The following ATP13A4 variants were observed in gnomAD, a reference collection of about 807,000 sequenced individuals.
ATP13A4 encodes the protein ATPase 13A4.
In ATP13A4, 114 loss-of-function variants were observed where a neutral mutation model predicts 142.5. That is an observed-to-expected ratio of 0.80 (90% CI 0.69 to 0.93). ATP13A4 has a LOEUF of 0.93. Among genes scored for constraint, ATP13A4 ranks in the 40% least tolerant of loss-of-function variants. The probability of loss-of-function intolerance (pLI) is 0.00; values close to 1 mark genes in which losing one functional copy is unlikely to be tolerated. For synonymous variants in ATP13A4, 488 were observed against 514.8 expected, an observed-to-expected ratio of 0.95 and a Z score of 0.70; for missense variants, 1,392 against 1,454.0, an observed-to-expected ratio of 0.96 and a Z score of 0.69.
intron 2 of ATP13A4, among the ~76,000 whole-genome samples, chr3:193,566,387 T>C (rs536907795): frequency 6.6e-6 from 1 of 152,300 alleles, no homozygotes; most frequent in Admixed American, 6.5e-5. Context: ...AAGCAGCAGC[T>C]GGCCTGCCTC....
intron 2 of ATP13A4, among the ~76,000 whole-genome samples, chr3:193,560,812 C>A (rs985175325): frequency 6.6e-6 from 1 of 152,186 alleles, no homozygotes; most frequent in Non-Finnish European, 1.5e-5. Context: ...AAGCTCACAG[C>A]AATTTCTGCT....
intron 1 of ATP13A4, among the ~76,000 whole-genome samples, chr3:193,534,824 G>A (rs181236109): frequency 1.1e-4 from 16 of 151,978 alleles, no homozygotes; most frequent in South Asian, 2.1e-4. Context: ...AATAATGGCC[G>A]AAAACATCTC....
chr3:193,590,318 G>A (rs573549504), intron 1 of ATP13A4, among the ~76,000 whole-genome samples: 21 of 152,224 alleles, frequency 1.4e-4, no homozygotes, highest in African/African-American at 4.3e-4. Flanking sequence ...ACCTCTGGGC[G>A]GGGCCACAGG....
At chr3:193,580,918 T>C (rs1439453073) in intron 2 of ATP13A4, among the ~76,000 whole-genome samples, 2 of 152,138 alleles carry the variant, frequency 1.3e-5, no homozygotes, top group Non-Finnish European at 2.9e-5. Flanking sequence ...CAATGGTGTA[T>C]GGGTAATCGT....
intron 28 of ATP13A4, among the ~76,000 whole-genome samples, chr3:193,410,170 A>T (rs1323779604): frequency 1.3e-5 from 2 of 152,234 alleles, no homozygotes. Context: ...TATCAATATT[A>T]TAAAATATAA....
At chr3:193,471,404 C>T (rs1051366697) in intron 8 of ATP13A4, among the ~76,000 whole-genome samples, 2 of 151,628 alleles carry the variant, frequency 1.3e-5, no homozygotes, top group African/African-American at 4.8e-5. Context: ...TCTATCTTCA[C>T]CAAAAAATAA....
At chr3:193,448,548 C>A (rs891404316) in intron 17 of ATP13A4, among the ~76,000 whole-genome samples, 1 of 152,158 alleles carries the variant, frequency 6.6e-6, no homozygotes, top group African/African-American at 2.4e-5. Context: ...GTTGGCTAGG[C>A]TGGTCTTGAA....
chr3:193,436,308 G>A (rs930235954), intron 23 of ATP13A4, among the ~76,000 whole-genome samples: 15 of 152,080 alleles, frequency 9.9e-5, no homozygotes, highest in African/African-American at 3.1e-4. Flanking sequence ...GAAATGATGA[G>A]CATTTTCATT....
intron 24 of ATP13A4, among the ~76,000 whole-genome samples, chr3:193,434,346 A>G (rs978953307): frequency 1.3e-5 from 2 of 152,236 alleles, no homozygotes; most frequent in Non-Finnish European, 2.9e-5. Flanking sequence ...AAGTAAACTC[A>G]CTATTTGCAT....
intron 2 of ATP13A4, among the ~76,000 whole-genome samples, chr3:193,577,642 G>A (rs1172609366): frequency 6.6e-6 from 1 of 152,152 alleles, no homozygotes. Context: ...AAACCATACT[G>A]TCTACACTGT....
rs115194081 is a variant in ATP13A4 at position 193,539,168 on chromosome 3, C to T, written c.60+15572G>A. Among the ~76,000 whole-genome samples, 765 of 152,176 alleles carry T rather than the reference C, an allele frequency of 5.0e-3. 13 individuals are homozygous for T. The highest frequency in any genetic ancestry group is 0.018 in the African/African-American group (729 of 41,510). On this transcript the variant is annotated intron_variant, in intron 1 of 29. Transcript: ENST00000342695. Reference sequence around the variant, plus strand: ...GATTACAGCTGTGAGCCATCATGCCCGGCCATAGGTGGCTATTTTTCAAAG... The same window carrying T: ...GATTACAGCTGTGAGCCATCATGCCTGGCCATAGGTGGCTATTTTTCAAAG...
At chr3:193,436,038 C>CA (rs1214789247) in intron 23 of ATP13A4, among the ~76,000 whole-genome samples, 1 of 152,218 alleles carries the variant, frequency 6.6e-6, no homozygotes, top group African/African-American at 2.4e-5. Flanking sequence ...CTCCTGAACT[C>CA]AGATCAGTGG....
chr3:193,517,251 A>G (rs1303019495), intron 1 of ATP13A4, among the ~76,000 whole-genome samples: 1 of 152,214 alleles, frequency 6.6e-6, no homozygotes, highest in Non-Finnish European at 1.5e-5. Flanking sequence ...AGAGATAAAT[A>G]AGACAATATC....
At chr3:193,485,020 GA>G (rs951877441) in intron 7 of ATP13A4, among the ~76,000 whole-genome samples, 2 of 149,526 alleles carry the variant, frequency 1.3e-5, no homozygotes, top group East Asian at 1.9e-4. Flanking sequence ...TCATGAAGAT[GA>G]AAAAAAAATG....
At chr3:193,537,368 A>T (rs1722643753) in intron 1 of ATP13A4, among the ~76,000 whole-genome samples, 1 of 151,678 alleles carries the variant, frequency 6.6e-6, no homozygotes, top group African/African-American at 2.4e-5. Flanking sequence ...GCCATCAAGT[A>T]ATTGGATATC....
intron 25 of ATP13A4, among the ~76,000 whole-genome samples, chr3:193,431,161 T>C (rs1029078652): frequency 6.6e-6 from 1 of 152,082 alleles, no homozygotes; most frequent in Non-Finnish European, 1.5e-5. Flanking sequence ...TCCAGTAGAA[T>C]GTAAGCTCCA....
At chr3:193,429,109 A>T (rs1306259385) in intron 25 of ATP13A4, among the ~76,000 whole-genome samples, 1 of 151,980 alleles carries the variant, frequency 6.6e-6, no homozygotes, top group Non-Finnish European at 1.5e-5. Flanking sequence ...ATAAGATATC[A>T]CTCCAAACCT....
chr3:193,545,973 TTG>T (rs3053200), intron 1 of ATP13A4, among the ~76,000 whole-genome samples: 9,541 of 143,010 alleles, frequency 0.067, 369 homozygotes, highest in African/African-American at 0.11. Flanking sequence ...AATGTTTAAA[TTG>T]TGTGTGTGTG....
At chr3:193,455,953 T>C (rs1717583617) in intron 16 of ATP13A4, among the ~76,000 whole-genome samples, 1 of 152,042 alleles carries the variant, frequency 6.6e-6, no homozygotes, top group Non-Finnish European at 1.5e-5. Flanking sequence ...ACCAAACTTA[T>C]ATGTGGGAGC....
Sources: gnomAD v4.1 joint callset for allele counts (sites outside exome capture counted in the v4.1 genomes callset) on GRCh38, gnomAD v4.1.1 for gene constraint, MANE v1.5 for transcripts, NCBI Gene and HGNC (gene_info 2026-07-23, HGNC 2026-07-21) for gene names.